TMEM209: variants seen among roughly 807,000 people sequenced by gnomAD.
The protein encoded by TMEM209 is testicular tissue protein Li 202.
A neutral mutation model predicts 76.2 loss-of-function variants in TMEM209; 65 were observed. That is an observed-to-expected ratio of 0.85 (90% confidence interval 0.70 to 1.05). The LOEUF is 1.05. TMEM209 is among the 50% of genes least tolerant of loss of function. The pLI is 0.00. For synonymous variants in TMEM209, 239 were observed against 237.6 expected (o/e 1.01, Z -0.06); for missense variants, 623 against 685.5 (o/e 0.91, Z 1.02).
At position 130,201,891 on chromosome 7, in the gene TMEM209, T is replaced by TATA. The variant is rs1342641820; in HGVS notation, c.529_531dup (p.Tyr177dup). The TATA allele has an allele frequency of 6.2e-7, 1 of 1,613,806 alleles. No individual in the cohort carries two copies. The highest frequency in any genetic ancestry group is 8.5e-7 in the Non-Finnish European group (1 of 1,179,882). On this transcript the variant is annotated inframe_insertion, in exon 5 of 15. Coordinates refer to ENST00000397622, the MANE Select transcript of TMEM209 (RefSeq NM_032842.4). ...ACGGGCGAGTAGGTCACTCCAGGGC[T>TATA]ATAAGAACCACTGCCACCTGAGGAC... is the stretch of plus-strand genomic sequence containing the variant.
At chr7:130,197,611 T>G (rs1798034424) in intron 5 of TMEM209, among the ~76,000 whole-genome samples, 3 of 152,212 alleles carry the variant, frequency 2.0e-5, no homozygotes, top group Non-Finnish European at 2.9e-5. Flanking sequence ...TTATCATCAT[T>G]AAACAAAGGA....
At chr7:130,180,349 T>C (rs1797367758) in intron 9 of TMEM209, among the ~76,000 whole-genome samples, 1 of 151,912 alleles carries the variant, frequency 6.6e-6, no homozygotes, top group Admixed American at 6.6e-5. Flanking sequence ...AATTTAAAAA[T>C]GGGTAAAGGA....
chr7:130,205,012 G>A (rs775715205), intron 1 of TMEM209: 7 of 1,197,956 alleles, frequency 5.8e-6, no homozygotes, highest in Non-Finnish European at 7.3e-6. Context: ...AGGGGAAAAC[G>A]TGCATTGTTT....
At chr7:130,168,618 AAAAT>A (rs1796952404) in intron 14 of TMEM209, among the ~76,000 whole-genome samples, 2 of 152,244 alleles carry the variant, frequency 1.3e-5, no homozygotes, top group Non-Finnish European at 2.9e-5. Flanking sequence ...CATAAGCCTA[AAAAT>A]TAGATCATAA....
chr7:130,174,383 T>C (rs1797170065), intron 11 of TMEM209, among the ~76,000 whole-genome samples: 2 of 152,184 alleles, frequency 1.3e-5, no homozygotes, highest in Non-Finnish European at 2.9e-5. Flanking sequence ...GAAGTTACCA[T>C]AATCTGTTGA....
rs1310401878 is a variant in TMEM209, at chr7:130,165,068, T to C, written c.*1383A>G. The C allele has an allele frequency of 2.0e-5, 3 of 152,210 alleles. No homozygotes were observed. Among genetic ancestry groups the C allele is most frequent in the Non-Finnish European group, 4.4e-5 (3 of 68,028 alleles). The allele number at this position is 152,210 out of a possible 1,614,324, so 9.4% of individuals were successfully genotyped here. On this transcript the variant is annotated 3_prime_UTR_variant, in exon 15 of 15. Transcript: ENST00000397622. ...TAGTGAGTCTGCATATGTGTATTAT[T>C]AATACATGTTAAACCATACTGCAGA...
In TMEM209 at chr7:130,203,998, A is replaced by G; in HGVS notation, c.116T>C (p.Met39Thr). 6.2e-7 allele frequency: 1 copy of G among 1,613,784 alleles called. No homozygotes were observed. Among genetic ancestry groups the G allele is most frequent in the Non-Finnish European group, 8.5e-7 (1 of 1,179,828 alleles). Residue 39 changes from methionine to threonine, a missense_variant, in exon 2 of 15, where the codon ATG becomes ACG. Transcript: ENST00000397622. ...CATTTCAGTATATATCATTCCAGCC[A>G]TAGATACATTTAGGAGTCCCCAGGC... ...VLAWGLLNVS[M>T]AGMIYTEMTG...
chr7:130,168,426 C>A (rs1013253094), intron 14 of TMEM209, among the ~76,000 whole-genome samples: 1 of 152,030 alleles, frequency 6.6e-6, no homozygotes, highest in Non-Finnish European at 1.5e-5. Flanking sequence ...CCGAAACACT[C>A]CTGGTTCCAA....
At chr7:130,195,662 A>G (rs796988470) in intron 5 of TMEM209, among the ~76,000 whole-genome samples, 27 of 151,564 alleles carry the variant, frequency 1.8e-4, no homozygotes, top group African/African-American at 5.5e-4. Context: ...ATTTCTGTGA[A>G]TTCAAACCAT....
intron 1 of TMEM209, chr7:130,204,841 G>T: frequency 1.4e-6 from 1 of 704,040 alleles, no homozygotes; most frequent in Non-Finnish European, 1.8e-6. Context: ...CATAAAGACT[G>T]TTGTACATCC....
At chr7:130,176,870 C>T (rs1466204381) in intron 10 of TMEM209, among the ~76,000 whole-genome samples, 2 of 151,652 alleles carry the variant, frequency 1.3e-5, no homozygotes, top group African/African-American at 4.8e-5. Flanking sequence ...AATATTAGGG[C>T]CAGGTAGCAT....
intron 5 of TMEM209, among the ~76,000 whole-genome samples, chr7:130,194,903 T>A (rs1797919974): frequency 6.6e-6 from 1 of 152,200 alleles, no homozygotes; most frequent in Non-Finnish European, 1.5e-5. Flanking sequence ...CTTGTAATTG[T>A]TAAATGCTGT....
chr7:130,191,877 G>A (rs1413601439), intron 6 of TMEM209, among the ~76,000 whole-genome samples: 6 of 152,082 alleles, frequency 3.9e-5, no homozygotes, highest in African/African-American at 1.4e-4. Context: ...TCAAAAATAA[G>A]AAGATAGTAT....
chr7:130,196,100 T>C (rs976967497), intron 5 of TMEM209, among the ~76,000 whole-genome samples: 1 of 152,142 alleles, frequency 6.6e-6, no homozygotes, highest in Non-Finnish European at 1.5e-5. Context: ...TTTTAGAAGA[T>C]GGGTAAAAGA....
chr7:130,205,162 C>G (rs575279580), intron 1 of TMEM209: 1 of 1,469,948 alleles, frequency 6.8e-7, no homozygotes, highest in South Asian at 1.4e-5. Context: ...TCAGCCCCCG[C>G]GTCCCAATTT....
rs778866632 is a variant in TMEM209 at position 130,201,857 on chromosome 7, T to C, written c.566A>G (p.Tyr189Cys). The C allele has an allele frequency of 6.2e-7, 1 of 1,613,954 alleles. No homozygotes were observed. The highest frequency in any genetic ancestry group is 1.1e-5 in the South Asian group (1 of 91,066). Residue 189 changes from tyrosine (Y) to cysteine (C), a missense_variant, in exon 5 of 15, where the codon TAT (tyrosine) becomes TGT (cysteine). Coordinates refer to ENST00000397622, the MANE Select transcript of TMEM209 (RefSeq NM_032842.4). ...AGAGAAGAGAGTCATTACCTTATTA[T>C]AACCACTGACGGGCGAGTAGGTCAC... is the stretch of plus-strand genomic sequence containing the variant. ...PGVTYSPVSG[Y>C]NKLASFSPSP...
At chr7:130,167,745 T>C (rs542909288) in intron 14 of TMEM209, among the ~76,000 whole-genome samples, 1 of 152,294 alleles carries the variant, frequency 6.6e-6, no homozygotes, top group East Asian at 1.9e-4. Flanking sequence ...ACTGCACAAA[T>C]ACCTGACATT....
chr7:130,183,592 G>A (rs151071239), intron 8 of TMEM209, among the ~76,000 whole-genome samples: 1 of 152,284 alleles, frequency 6.6e-6, no homozygotes, highest in East Asian at 1.9e-4. Context: ...GAGCTAAGTG[G>A]AGCTCCGTAT....
intron 6 of TMEM209, among the ~76,000 whole-genome samples, chr7:130,188,533 T>A (rs184611227): frequency 1.4e-5 from 2 of 143,328 alleles, no homozygotes; most frequent in East Asian, 4.1e-4. Context: ...GAGGCGGAGC[T>A]TGCAGCGAGC....
Sources: allele counts gnomAD v4.1 joint callset (sites outside exome capture counted in the v4.1 genomes callset), GRCh38; gene constraint gnomAD v4.1.1; transcripts MANE v1.5; gene names NCBI Gene and HGNC (gene_info 2026-07-23, HGNC 2026-07-21).